XIRP2: variants seen among roughly 807,000 people sequenced by gnomAD.
XIRP2 encodes xin actin binding repeat containing 2.
Under a neutral mutation model 277.0 loss-of-function variants are expected in XIRP2, and 236 were observed. The ratio of observed to expected loss-of-function variants is 0.85; its 90% CI spans 0.77 to 0.95. XIRP2 has a LOEUF of 0.95. XIRP2 is among the 40% of genes least tolerant of loss of function. XIRP2 has a pLI of 0.00. For synonymous variants in XIRP2, 1,490 were observed against 1,416.5 expected (o/e 1.05, Z -1.17); for missense variants, 4,640 against 4,157.5 (o/e 1.12, Z -3.19).
In XIRP2 at chr2:167,249,826, A is replaced by G; in HGVS notation, c.8434A>G (p.Arg2812Gly). 1 of 1,613,546 alleles carries G rather than the reference A, an allele frequency of 6.2e-7. No homozygotes were observed. Among genetic ancestry groups the G allele is most frequent in the Non-Finnish European group, 8.5e-7 (1 of 1,179,760 alleles). Residue 2812 changes from arginine to glycine, a missense_variant, in exon 9 of 11, where the codon AGA (arginine) becomes GGA (glycine). Arg to Gly is a moderately radical substitution (Grantham distance 125). Coordinates refer to ENST00000409195, the MANE Select transcript of XIRP2 (RefSeq NM_152381.6). The stretch of plus-strand genomic sequence containing the variant: ...GCAAAGAGAATTTAGCGGATCTGAC[A>G]GAGGGAAACTTCCAGGAAGTGAAGA... ...RKQREFSGSD[R>G]GKLPGSEEKN...
intron 2 of XIRP2, among the ~76,000 whole-genome samples, chr2:166,987,646 T>G (rs1228131479): frequency 6.6e-6 from 1 of 152,206 alleles, no homozygotes; most frequent in African/African-American, 2.4e-5. Context: ...ATCCAGATCT[T>G]GTTCTCTAAA....
In XIRP2 at chr2:167,248,833, G is replaced by A. The variant is rs369831621; in HGVS notation, c.7441G>A (p.Val2481Ile). 1.8e-5 allele frequency: 29 copies of A among 1,613,028 alleles called. No homozygotes were observed. In the South Asian group the frequency reaches 2.4e-4, roughly 13 times the overall value. Residue 2481 changes from valine to isoleucine, a missense_variant, in exon 9 of 11, where the codon GTT becomes ATT. Val to Ile is a conservative substitution (Grantham distance 29, BLOSUM62 3). Coordinates refer to ENST00000409195, the MANE Select transcript of XIRP2 (RefSeq NM_152381.6). ...SSEHTETKQN[V>I]ISKSLDERKQ... ...TGAACACACGGAGACAAAGCAGAAC[G>A]TTATTAGTAAGAGTCTTGATGAAAG...
intron 2 of XIRP2, among the ~76,000 whole-genome samples, chr2:167,073,142 A>G (rs368214855): frequency 6.6e-6 from 1 of 152,140 alleles, no homozygotes; most frequent in South Asian, 2.1e-4. Flanking sequence ...TGTGAGCTTT[A>G]CAGATTTGAA....
intron 5 of XIRP2, among the ~76,000 whole-genome samples, chr2:167,236,461 GCTGACAT>G (rs1239432480): frequency 2.0e-5 from 3 of 152,008 alleles, no homozygotes; most frequent in Admixed American, 6.6e-5. Context: ...TAATATATAA[GCTGACAT>G]CAGACTGATG....
In XIRP2 at chr2:167,043,823, T is replaced by C. The variant is rs952180373; in HGVS notation, c.409-92086T>C. Among the ~76,000 whole-genome samples, 4 of 151,904 alleles carry C rather than the reference T, an allele frequency of 2.6e-5. No homozygotes were observed. The East Asian group carries it at 7.7e-4, about 29-fold the overall frequency. ...TCAAATAATCAAGGAAGGGTTCCTTTATTATGTTTATACTGTAAATATTCA... is the reference window on the plus strand; with the variant it reads ...TCAAATAATCAAGGAAGGGTTCCTTCATTATGTTTATACTGTAAATATTCA... On this transcript the variant is annotated intron_variant, in intron 2 of 10. Coordinates refer to ENST00000409195, the MANE Select transcript of XIRP2 (RefSeq NM_152381.6).
At chr2:167,042,166 CCT>C (rs1688674196) in intron 2 of XIRP2, among the ~76,000 whole-genome samples, 12 of 152,120 alleles carry the variant, frequency 7.9e-5, no homozygotes, top group Admixed American at 7.9e-4. Context: ...ACCAGACCTG[CCT>C]TACAACAGTT....
intron 3 of XIRP2, among the ~76,000 whole-genome samples, chr2:167,167,290 A>ATC (rs769625831): frequency 3.3e-5 from 5 of 152,020 alleles, no homozygotes; most frequent in African/African-American, 4.8e-5. Context: ...TACTCTGACG[A>ATC]TCTCTGTATT....
chr2:167,117,776 A>T (rs1690936416), intron 2 of XIRP2, among the ~76,000 whole-genome samples: 2 of 152,216 alleles, frequency 1.3e-5, no homozygotes, highest in Non-Finnish European at 2.9e-5. Flanking sequence ...CTGCCTTTTA[A>T]AATTTTATCA....
intron 2 of XIRP2, among the ~76,000 whole-genome samples, chr2:167,083,415 T>C (rs896430675): frequency 6.6e-6 from 1 of 152,252 alleles, no homozygotes; most frequent in African/African-American, 2.4e-5. Context: ...TAGGATTGCC[T>C]TGGCGATGCG....
intron 10 of XIRP2, among the ~76,000 whole-genome samples, chr2:167,257,165 C>T (rs1695678108): frequency 6.6e-6 from 1 of 151,940 alleles, no homozygotes; most frequent in South Asian, 2.1e-4. Flanking sequence ...CCTCTGCTAT[C>T]ACCAATACAG....
intron 2 of XIRP2, among the ~76,000 whole-genome samples, chr2:167,127,468 C>T (rs1454571929): frequency 1.3e-5 from 2 of 152,194 alleles, no homozygotes; most frequent in Non-Finnish European, 2.9e-5. Flanking sequence ...GAACTTCTGA[C>T]TGTTTCTCCT....
intron 2 of XIRP2, among the ~76,000 whole-genome samples, chr2:167,015,702 A>C (rs1687806362): frequency 1.3e-5 from 2 of 151,790 alleles, no homozygotes. Context: ...GAGAGCCAGA[A>C]AGAGAAACTT....
Position 167,245,026 on chromosome 2 carries a change from A to G in XIRP2, c.3634A>G (p.Ile1212Val), listed in dbSNP as rs375709480. 27 of 1,613,164 alleles carry G rather than the reference A, an allele frequency of 1.7e-5. No homozygotes were observed. Among genetic ancestry groups the G allele is most frequent in the African/African-American group, 1.1e-4 (8 of 74,880 alleles). Residue 1212 changes from isoleucine to valine, a missense_variant, in exon 9 of 11, where the codon ATA becomes GTA. Physicochemically the swap from Ile to Val is conservative, Grantham distance 29. Transcript: ENST00000409195. ...YKFENQSLDS[I>V]SSSSEEVLKK... ...ATTTGAAAATCAGTCCTTAGATTCTATAAGTTCTAGTTCAGAGGAAGTTTT... is the reference window on the plus strand; with the variant it reads ...ATTTGAAAATCAGTCCTTAGATTCTGTAAGTTCTAGTTCAGAGGAAGTTTT...
intron 2 of XIRP2, among the ~76,000 whole-genome samples, chr2:167,017,640 G>T (rs1687867594): frequency 6.6e-6 from 1 of 152,004 alleles, no homozygotes; most frequent in South Asian, 2.1e-4. Flanking sequence ...GTCATGTTAA[G>T]TGATGCCATT....
chr2:167,156,811 T>C (rs2105336740), intron 3 of XIRP2, among the ~76,000 whole-genome samples: 1 of 152,282 alleles, frequency 6.6e-6, no homozygotes, highest in Admixed American at 6.5e-5. Flanking sequence ...AGCTGACCTA[T>C]CAACCTGAAA....
At chr2:166,909,750 G>T (rs1351006336) in intron 2 of XIRP2, among the ~76,000 whole-genome samples, 2 of 152,050 alleles carry the variant, frequency 1.3e-5, no homozygotes, top group Non-Finnish European at 2.9e-5. Flanking sequence ...ATTGGCTGTG[G>T]GTTTGTCATA....
At chr2:166,975,141 T>G (rs1402003864) in intron 2 of XIRP2, among the ~76,000 whole-genome samples, 1 of 152,072 alleles carries the variant, frequency 6.6e-6, no homozygotes. Flanking sequence ...AAAAGAACTT[T>G]AAAATACATG....
chr2:167,045,114 T>C (rs938251345), intron 2 of XIRP2, among the ~76,000 whole-genome samples: 2 of 152,126 alleles, frequency 1.3e-5, no homozygotes, highest in South Asian at 2.1e-4. Context: ...TACAACCATG[T>C]GATCGTGGAC....
At chr2:166,958,753 C>G (rs1426179674) in intron 2 of XIRP2, among the ~76,000 whole-genome samples, 5 of 151,688 alleles carry the variant, frequency 3.3e-5, no homozygotes, top group African/African-American at 9.7e-5. Flanking sequence ...AGTCAGTCTT[C>G]TTACTGTGGT....
Sources: allele counts gnomAD v4.1 joint callset (sites outside exome capture counted in the v4.1 genomes callset), GRCh38; gene constraint gnomAD v4.1.1; transcripts MANE v1.5; gene names NCBI Gene and HGNC (gene_info 2026-07-23, HGNC 2026-07-21).